The following ETFA variants were observed in gnomAD, a reference collection of about 807,000 sequenced individuals.
ETFA encodes the protein electron transfer flavoprotein subunit alpha, also known as electron transfer flavoprotein subunit alpha, mitochondrial.
A neutral mutation model predicts 46.2 loss-of-function variants in ETFA; 22 were observed. That is an observed-to-expected ratio of 0.48 (90% CI 0.34 to 0.68). The LOEUF (loss-of-function observed/expected upper bound fraction) is 0.68. Among genes scored for constraint, ETFA ranks in the 30% least tolerant of loss-of-function variants. The pLI, the probability that ETFA is intolerant of heterozygous loss-of-function variation, is 0.01. For missense variants in ETFA, 345 were observed against 401.1 expected (o/e 0.86, Z 1.19); for synonymous variants, 131 against 139.9 (o/e 0.94, Z 0.45).
chr15:76,215,363 A>T lies in ETFA; in HGVS notation c.*1196T>A, dbSNP rs1335920412. 1 of 152,222 alleles carries T rather than the reference A, an allele frequency of 6.6e-6. No individual in the cohort carries two copies. The highest frequency in any genetic ancestry group is 1.9e-4 in the East Asian group (1 of 5,192). 9.4% of individuals were successfully genotyped at this position (152,222 alleles called of 1,614,324 possible). ...CTGAAATGCCAAAGATACAACTTTT[A>T]AAAGTGTTTTATAGCAACTGATTGT... On this transcript the variant is annotated 3_prime_UTR_variant, in exon 12 of 12. Transcript: ENST00000557943.
intron 5 of ETFA, among the ~76,000 whole-genome samples, chr15:76,287,387 C>T (rs1264004347): frequency 1.3e-5 from 2 of 151,990 alleles, no homozygotes; most frequent in Non-Finnish European, 2.9e-5. Context: ...AGGATAGCCT[C>T]AAACTCCTGA....
At chr15:76,271,428 C>G (rs550160433) in intron 9 of ETFA, among the ~76,000 whole-genome samples, 173 of 152,134 alleles carry the variant, frequency 1.1e-3, no homozygotes, top group Non-Finnish European at 2.0e-3. Context: ...AGACATTAGA[C>G]AAATCCAAAT....
At chr15:76,301,981 G>A (rs887261115) in intron 1 of ETFA, among the ~76,000 whole-genome samples, 1 of 152,086 alleles carries the variant, frequency 6.6e-6, no homozygotes, top group Non-Finnish European at 1.5e-5. Context: ...AAATTAAAAC[G>A]AGATACCACT....
chr15:76,284,918 G>A (rs766404582), intron 7 of ETFA: 16 of 405,762 alleles, frequency 3.9e-5, no homozygotes, highest in East Asian at 1.1e-4. Flanking sequence ...CAACAAGAGC[G>A]AAACTCCATC....
chr15:76,305,120 C>T (rs2039927756), intron 1 of ETFA, among the ~76,000 whole-genome samples: 2 of 152,158 alleles, frequency 1.3e-5, no homozygotes, highest in Admixed American at 1.3e-4. Flanking sequence ...GTTTAAGGCA[C>T]CTCAGTGTGC....
chr15:76,261,191 AG>A, intron 9 of ETFA: 1 of 1,539,474 alleles, frequency 6.5e-7, no homozygotes, highest in Non-Finnish European at 9.0e-7. Flanking sequence ...CCTCTCCACC[AG>A]ACAATGGTAA....
chr15:76,222,046 A>G (rs931974110), intron 11 of ETFA, among the ~76,000 whole-genome samples: 7 of 151,976 alleles, frequency 4.6e-5, no homozygotes, highest in East Asian at 1.9e-4. Flanking sequence ...TAGGCTAAAA[A>G]AGTCCTTTCT....
intron 8 of ETFA, among the ~76,000 whole-genome samples, chr15:76,275,561 T>G (rs572360878): frequency 6.6e-6 from 1 of 152,318 alleles, no homozygotes; most frequent in African/African-American, 2.4e-5. Flanking sequence ...ATGACAATCT[T>G]TATCTTTAAT....
rs566343981 is a variant in ETFA, at chr15:76,236,585, G to T, written c.817-5187C>A. Among the ~76,000 whole-genome samples the T allele has an allele frequency of 7.9e-5, 12 of 152,314 alleles. No homozygotes were observed. In the South Asian group the frequency reaches 2.1e-3, roughly 26 times the overall value. On this transcript the variant is annotated intron_variant, in intron 9 of 11. Coordinates refer to ENST00000557943, the MANE Select transcript of ETFA (RefSeq NM_000126.4). The stretch of plus-strand genomic sequence containing the variant: ...TGTTGCTTCTGTTGGCTCAGAACAA[G>T]ACCATTTACAGGTTCTATTATGCTC...
At chr15:76,292,181 T>C (rs999004655) in intron 4 of ETFA, among the ~76,000 whole-genome samples, 4 of 152,212 alleles carry the variant, frequency 2.6e-5, no homozygotes, top group African/African-American at 4.8e-5. Context: ...GCATTACTTT[T>C]ACATGCAGAA....
At chr15:76,275,492 ATATT>A (rs918681118) in intron 8 of ETFA, among the ~76,000 whole-genome samples, 3 of 152,056 alleles carry the variant, frequency 2.0e-5, no homozygotes, top group Non-Finnish European at 4.4e-5. Context: ...ATGTATTTTT[ATATT>A]TAAAGTGGGT....
At chr15:76,263,055 G>A (rs1596206540) in intron 9 of ETFA, among the ~76,000 whole-genome samples, 1 of 152,120 alleles carries the variant, frequency 6.6e-6, no homozygotes. Context: ...CTTATCTCAA[G>A]TAGCCATATG....
intron 9 of ETFA, chr15:76,260,311 T>C: frequency 3.2e-6 from 4 of 1,268,352 alleles, no homozygotes; most frequent in South Asian, 1.2e-5. Flanking sequence ...GAAATGACAC[T>C]GTCAAAGCCT....
At chr15:76,301,390 A>G (rs1274773388) in intron 1 of ETFA, among the ~76,000 whole-genome samples, 1 of 152,202 alleles carries the variant, frequency 6.6e-6, no homozygotes, top group East Asian at 1.9e-4. Context: ...GCTGACACCA[A>G]TAAGGGAAGT....
chr15:76,234,327 T>C (rs990339794), intron 9 of ETFA, among the ~76,000 whole-genome samples: 22 of 152,170 alleles, frequency 1.4e-4, no homozygotes, highest in Admixed American at 5.2e-4. Context: ...ACTAATATCT[T>C]AGTCTAATTC....
chr15:76,255,874 T>C (rs1027108143), intron 9 of ETFA, among the ~76,000 whole-genome samples: 1 of 152,062 alleles, frequency 6.6e-6, no homozygotes, highest in African/African-American at 2.4e-5. Flanking sequence ...CCAAACTCAC[T>C]GCATTCTTCA....
chr15:76,280,258 T>TAAAAAGA (rs2039634533), intron 8 of ETFA, among the ~76,000 whole-genome samples: 1 of 152,218 alleles, frequency 6.6e-6, no homozygotes, highest in South Asian at 2.1e-4. Flanking sequence ...TCTCAAAGGT[T>TAAAAAGA]AATATGCCCA....
At chr15:76,221,385 T>C (rs1331034269) in intron 11 of ETFA, among the ~76,000 whole-genome samples, 1 of 152,230 alleles carries the variant, frequency 6.6e-6, no homozygotes, top group Non-Finnish European at 1.5e-5. Flanking sequence ...GGAATTCTTT[T>C]TGGCATGATG....
At chr15:76,261,677 T>C (rs2039415288) in intron 9 of ETFA, 1 of 353,698 alleles carries the variant, frequency 2.8e-6, no homozygotes, top group Non-Finnish European at 5.1e-6. Flanking sequence ...CCCCATGCTG[T>C]GCCTCAGCAC....
Sources: gnomAD v4.1 joint callset for allele counts (sites outside exome capture counted in the v4.1 genomes callset) on GRCh38, gnomAD v4.1.1 for gene constraint, MANE v1.5 for transcripts, NCBI Gene and HGNC (gene_info 2026-07-23, HGNC 2026-07-21) for gene names.